The following ERICH6B variants were observed in gnomAD, a reference collection of about 807,000 sequenced individuals.
ERICH6B encodes glutamate-rich protein 6B.
In ERICH6B, 69 loss-of-function variants were observed where a neutral mutation model predicts 80.0. The ratio of observed to expected loss-of-function variants is 0.86; its 90% CI spans 0.71 to 1.05. ERICH6B has a LOEUF of 1.05. Among genes scored for constraint, ERICH6B ranks in the 50% least tolerant of loss-of-function variants. The pLI is 0.00. For missense variants in ERICH6B, 754 were observed against 796.1 expected (o/e 0.95, Z 0.64); for synonymous variants, 283 against 291.9 (o/e 0.97, Z 0.31).
intron 6 of ERICH6B, 29 bp from the exon 7 acceptor site, chr13:45,580,003 A>C (rs1002873689): frequency 1.3e-6 from 2 of 1,512,464 alleles, no homozygotes; most frequent in Non-Finnish European, 9.0e-7. Context: ...AATTATTAAC[A>C]GGATACGGTA....
chr13:45,581,111 G>C (rs934280890), intron 5 of ERICH6B, among the ~76,000 whole-genome samples: 12 of 152,132 alleles, frequency 7.9e-5, no homozygotes, highest in African/African-American at 2.4e-4. Flanking sequence ...GTGGCCATGG[G>C]GTGTGTGATG....
intron 14 of ERICH6B, 106 bp from the exon 15 acceptor site, chr13:45,541,786 T>C: frequency 1.0e-6 from 1 of 994,004 alleles, no homozygotes; most frequent in Non-Finnish European, 1.5e-6. Flanking sequence ...TCCCTGAGCC[T>C]TCACTCGAGA....
intron 8 of ERICH6B, among the ~76,000 whole-genome samples, chr13:45,569,261 G>C (rs1875051719): frequency 3.9e-5 from 6 of 152,178 alleles, no homozygotes; most frequent in Admixed American, 3.9e-4. Flanking sequence ...GAGTAGCTGG[G>C]ATCACAGGCA....
Position 45,563,767 on chromosome 13 carries a change from C to T in ERICH6B, c.1209G>A (p.Lys403=), listed in dbSNP as rs761001532. ...LVIMLKKNYE[K]FKETILRIKR... is the part of the protein sequence containing the mutation. ...TAATCCGTAAGATTGTTTCCTTGAACTTTTCATAATTTTTCTTCAGCCTAA... is the reference window on the plus strand; with the variant it reads ...TAATCCGTAAGATTGTTTCCTTGAATTTTTCATAATTTTTCTTCAGCCTAA... The change falls in exon 10 of 15, where the codon AAG becomes AAA. Residue 403 remains lysine, a synonymous_variant. Transcript: ENST00000298738. 7.1e-5 allele frequency: 110 copies of T among 1,552,166 alleles called. No homozygotes were observed.
At chr13:45,546,593 T>C (rs1165781607) in intron 13 of ERICH6B, among the ~76,000 whole-genome samples, 1 of 152,200 alleles carries the variant, frequency 6.6e-6, no homozygotes, top group Non-Finnish European at 1.5e-5. Flanking sequence ...CCCCAAGACG[T>C]AGGCCCCAGG....
chr13:45,597,448 C>T (rs774763024), intron 2 of ERICH6B, among the ~76,000 whole-genome samples: 12 of 152,122 alleles, frequency 7.9e-5, no homozygotes, highest in Non-Finnish European at 1.6e-4. Context: ...AGAAAGGAGT[C>T]ACAAAAAACA....
chr13:45,612,726 AG>A (rs1949906922), intron 1 of ERICH6B, among the ~76,000 whole-genome samples: 2 of 152,192 alleles, frequency 1.3e-5, no homozygotes, highest in South Asian at 4.1e-4. Context: ...TGCCTTGGCT[AG>A]AGGGTCTGTG....
intron 1 of ERICH6B, among the ~76,000 whole-genome samples, chr13:45,612,506 C>A (rs1300474288): frequency 6.6e-6 from 1 of 152,230 alleles, no homozygotes; most frequent in Non-Finnish European, 1.5e-5. Flanking sequence ...CCAGCACTAC[C>A]TCTGGCCCCT....
At chr13:45,568,594 G>T in intron 8 of ERICH6B, 143 bp from the exon 9 acceptor site, 1 of 791,320 alleles carries the variant, frequency 1.3e-6, no homozygotes, top group Non-Finnish European at 1.9e-6. Context: ...AGGGGCAGGG[G>T]GAGGGAGAGC....
At chr13:45,610,384 T>C (rs1422445720) in intron 1 of ERICH6B, among the ~76,000 whole-genome samples, 3 of 152,060 alleles carry the variant, frequency 2.0e-5, no homozygotes, top group African/African-American at 7.2e-5. Flanking sequence ...CCCCCAACCC[T>C]TTTCCCCAAA....
intron 5 of ERICH6B, among the ~76,000 whole-genome samples, chr13:45,580,878 A>G (rs1235010913): frequency 6.6e-6 from 1 of 152,170 alleles, no homozygotes; most frequent in East Asian, 1.9e-4. Context: ...TAGGATTGCA[A>G]TAAATTAGTC....
At chr13:45,571,135 C>G (rs1340282231) in intron 8 of ERICH6B, among the ~76,000 whole-genome samples, 4 of 152,090 alleles carry the variant, frequency 2.6e-5, no homozygotes, top group African/African-American at 9.7e-5. Context: ...GCCACAGCAC[C>G]CTGAGCATTC....
intron 10 of ERICH6B, 116 bp from the exon 11 acceptor site, chr13:45,561,642 A>G: frequency 2.6e-6 from 3 of 1,160,214 alleles, no homozygotes; most frequent in South Asian, 1.6e-5. Context: ...GAGATCTGCC[A>G]TTTTTCCCCA....
At chr13:45,582,309 G>A (rs1875708845) in intron 5 of ERICH6B, among the ~76,000 whole-genome samples, 1 of 152,222 alleles carries the variant, frequency 6.6e-6, no homozygotes, top group Non-Finnish European at 1.5e-5. Flanking sequence ...CCTTTCAGTT[G>A]TATCTGGTTG....
chr13:45,596,906 T>C lies in ERICH6B; in HGVS notation c.100A>G (p.Thr34Ala). ...CTTTCCTCATCTAGTTCTACTTCAG[T>C]ATCCTCTTTCTCTGAAGGCAAGTTC... ...TQNLPSEKED[T>A]EVELDEESLQ... Residue 34 changes from threonine to alanine, a missense_variant, in exon 3 of 15, where the codon ACT becomes GCT. Thr to Ala is a moderately conservative substitution (Grantham distance 58, BLOSUM62 0). Transcript: ENST00000298738. 1 of 1,551,872 alleles carries C rather than the reference T, an allele frequency of 6.4e-7. No homozygotes were observed.
intron 11 of ERICH6B, among the ~76,000 whole-genome samples, chr13:45,560,472 C>A (rs1289949900): frequency 6.6e-6 from 1 of 152,204 alleles, no homozygotes; most frequent in South Asian, 2.1e-4. Context: ...ACCATTATCA[C>A]CCACAGCCCA....
intron 3 of ERICH6B, among the ~76,000 whole-genome samples, chr13:45,594,880 A>G (rs1435705734): frequency 6.6e-6 from 1 of 152,224 alleles, no homozygotes; most frequent in Non-Finnish European, 1.5e-5. Context: ...TTCTGTACCT[A>G]GTTGAATATG....
chr13:45,579,603 G>A (rs903577594), intron 7 of ERICH6B, among the ~76,000 whole-genome samples: 2 of 152,174 alleles, frequency 1.3e-5, no homozygotes, highest in African/African-American at 4.8e-5. Context: ...ATCTGGGGAG[G>A]TGCAGGTATC....
At chr13:45,556,624 C>T (rs1874450154) in intron 11 of ERICH6B, among the ~76,000 whole-genome samples, 1 of 152,138 alleles carries the variant, frequency 6.6e-6, no homozygotes, top group Non-Finnish European at 1.5e-5. Context: ...TAGTTTAGCT[C>T]CCACTTATGA....
Sources: allele counts gnomAD v4.1 joint callset (sites outside exome capture counted in the v4.1 genomes callset), GRCh38; gene constraint gnomAD v4.1.1; transcripts MANE v1.5; gene names NCBI Gene and HGNC (gene_info 2026-07-23, HGNC 2026-07-21).